AIRIM: variants seen among roughly 807,000 people sequenced by gnomAD.
AIRIM encodes the protein AFG2-interacting ribosome maturation factor.
the AIRIM span, among the ~76,000 whole-genome samples, chr1:37,687,663 A>G: frequency 6.6e-6 from 1 of 152,142 alleles, no homozygotes; most frequent in South Asian, 2.1e-4. Context: ...AGGAGGAGTT[A>G]GAGGCTACAG....
At chr1:37,690,471 A>T in the AIRIM span, 12 of 1,255,138 alleles carry the variant, frequency 9.6e-6, no homozygotes, top group Admixed American at 5.9e-5. Flanking sequence ...AAGTCCAGAC[A>T]GCCAAAGCGT....
the AIRIM span, chr1:37,689,532 C>G: frequency 6.8e-7 from 1 of 1,473,568 alleles, no homozygotes; most frequent in Non-Finnish European, 9.1e-7. Flanking sequence ...ACCTTCTGGA[C>G]TGACACTAGC....
At chr1:37,685,903 C>T in the AIRIM span, among the ~76,000 whole-genome samples, 10 of 152,216 alleles carry the variant, frequency 6.6e-5, no homozygotes, top group African/African-American at 2.4e-4. Flanking sequence ...CTTTCCCTTA[C>T]CCTCTTCAGA....
chr1:37,687,078 G>GTT, the AIRIM span, among the ~76,000 whole-genome samples: 23 of 147,852 alleles, frequency 1.6e-4, no homozygotes, highest in African/African-American at 5.0e-4. Flanking sequence ...GTGTGTGTGT[G>GTT]TGTGTGTGTG....
At chr1:37,683,725 G>A in the AIRIM span, 2 of 289,220 alleles carry the variant, frequency 6.9e-6, no homozygotes, top group African/African-American at 2.2e-5. Context: ...GACATGAGAG[G>A]TAAAGCTAGC....
At chr1:37,683,638 G>T in the AIRIM span, 1 of 531,400 alleles carries the variant, frequency 1.9e-6, no homozygotes, top group Non-Finnish European at 3.2e-6. Flanking sequence ...AGGGAAAGAG[G>T]AATGAAACCA....
the AIRIM span, chr1:37,686,216 A>G: frequency 6.7e-7 from 1 of 1,485,802 alleles, no homozygotes; most frequent in Non-Finnish European, 9.0e-7. Context: ...GTGAAAACTG[A>G]AATTTGAAAG....
At chr1:37,681,663 G>A in the AIRIM span, 1 of 152,174 alleles carries the variant, frequency 6.6e-6, no homozygotes, top group East Asian at 1.9e-4. Flanking sequence ...TTATCTGGTA[G>A]ATGGATAACG....
chr1:37,687,439 A>T, the AIRIM span, among the ~76,000 whole-genome samples: 78,730 of 149,836 alleles, frequency 0.53, 21,193 homozygotes, highest in East Asian at 0.71. Flanking sequence ...GCTAATATAT[A>T]TTTTTTTTTA....
At chr1:37,685,161 G>C in the AIRIM span, among the ~76,000 whole-genome samples, 1 of 134,014 alleles carries the variant, frequency 7.5e-6, no homozygotes, top group African/African-American at 2.8e-5. Context: ...AAGTTTCTAA[G>C]AGGTTTTTCT....
At chr1:37,687,713 A>G in the AIRIM span, among the ~76,000 whole-genome samples, 1 of 152,224 alleles carries the variant, frequency 6.6e-6, no homozygotes, top group Admixed American at 6.5e-5. Flanking sequence ...CCTGGGCAAC[A>G]GGGTGAGACT....
At chr1:37,690,345 A>G in the AIRIM span, 1 of 1,290,196 alleles carries the variant, frequency 7.8e-7, no homozygotes, top group South Asian at 1.2e-5. Context: ...TGGATAGGGC[A>G]GTCTCCTGCT....
chr1:37,690,106 T>C, the AIRIM span: 1 of 1,314,614 alleles, frequency 7.6e-7, no homozygotes, highest in African/African-American at 1.5e-5. Context: ...AACCTCCGCA[T>C]CCCGGGTTCA....
At chr1:37,683,414 A>G in the AIRIM span, 1 of 1,614,038 alleles carries the variant, frequency 6.2e-7, no homozygotes, top group Non-Finnish European at 8.5e-7. Context: ...GATAGACGAA[A>G]GAAGATACTT....
chr1:37,682,977 C>T, the AIRIM span: 3 of 811,640 alleles, frequency 3.7e-6, no homozygotes, highest in South Asian at 3.5e-5. Context: ...AGGCGCTAAT[C>T]CTCCCCAAGA....
the AIRIM span, chr1:37,681,832 A>G: frequency 6.6e-6 from 1 of 152,252 alleles, no homozygotes; most frequent in East Asian, 1.9e-4. Context: ...GTGTTGAGCT[A>G]TATTTACAGA....
the AIRIM span, among the ~76,000 whole-genome samples, chr1:37,688,943 G>GT: frequency 7.0e-6 from 1 of 143,090 alleles, no homozygotes; most frequent in South Asian, 2.2e-4. Flanking sequence ...TCCAGCCTGA[G>GT]TGACAGAGCA....
the AIRIM span, chr1:37,689,427 G>A: frequency 1.5e-6 from 1 of 649,482 alleles, no homozygotes; most frequent in South Asian, 2.4e-5. Context: ...CAAAGAAAAT[G>A]CCAGAAAATG....
the AIRIM span, among the ~76,000 whole-genome samples, chr1:37,685,192 T>G: frequency 2.7e-4 from 12 of 44,794 alleles, no homozygotes; most frequent in South Asian, 8.1e-4. Flanking sequence ...TGCTTTTTTT[T>G]GGGGGGGGGG....
Sources: allele counts gnomAD v4.1 joint callset (sites outside exome capture counted in the v4.1 genomes callset), GRCh38; gene constraint gnomAD v4.1.1; transcripts MANE v1.5; gene names NCBI Gene and HGNC (gene_info 2026-07-23, HGNC 2026-07-21).